PTPRK: variants seen among roughly 807,000 people sequenced by gnomAD.
The protein encoded by PTPRK is receptor-type tyrosine-protein phosphatase kappa.
Under a neutral mutation model 178.0 loss-of-function variants are expected in PTPRK, and 75 were observed. That is an observed-to-expected ratio of 0.42 (90% confidence interval 0.35 to 0.51). PTPRK has a LOEUF of 0.51. Ranked by LOEUF, PTPRK falls within the 20% of genes least tolerant of loss-of-function variation. The pLI, the probability that PTPRK is intolerant of heterozygous loss-of-function variation, is 0.02. For synonymous variants in PTPRK, 637 were observed against 620.6 expected (o/e 1.03, Z -0.39); for missense variants, 1,441 against 1,797.8 (o/e 0.80, Z 3.59).
intron 8 of PTPRK, among the ~76,000 whole-genome samples, chr6:128,088,260 C>T (rs1409652595): frequency 2.0e-5 from 3 of 151,974 alleles, no homozygotes; most frequent in Non-Finnish European, 4.4e-5. Flanking sequence ...TGCCTGTAAT[C>T]CCAGCTACTT....
At chr6:128,166,659 T>C (rs1219391883) in intron 7 of PTPRK, among the ~76,000 whole-genome samples, 3 of 151,718 alleles carry the variant, frequency 2.0e-5, no homozygotes, top group Non-Finnish European at 3.0e-5. Flanking sequence ...AACATAAGAC[T>C]CTCCTCTAGT....
chr6:128,055,701 A>T (rs866587617), intron 13 of PTPRK, among the ~76,000 whole-genome samples: 5 of 152,170 alleles, frequency 3.3e-5, no homozygotes, highest in Middle Eastern at 3.4e-3. Flanking sequence ...CTGGGCTCAA[A>T]TGATCACCCT....
intron 5 of PTPRK, among the ~76,000 whole-genome samples, chr6:128,239,300 T>A (rs537135459): frequency 6.6e-6 from 1 of 152,168 alleles, no homozygotes; most frequent in South Asian, 2.1e-4. Context: ...TCAATAGCCA[T>A]CTGTTTTAGG....
intron 15 of PTPRK, chr6:128,003,309 T>C (rs1778052655): frequency 1.6e-6 from 2 of 1,274,432 alleles, no homozygotes; most frequent in South Asian, 1.3e-5. Flanking sequence ...TTAAAATAGA[T>C]TTATGCTTTC....
chr6:128,156,810 T>C (rs574757437), intron 7 of PTPRK, among the ~76,000 whole-genome samples: 42 of 152,112 alleles, frequency 2.8e-4, no homozygotes, highest in African/African-American at 1.0e-3. Context: ...TGCTTATTTA[T>C]ACATGTGTCT....
intron 3 of PTPRK, among the ~76,000 whole-genome samples, chr6:128,283,079 G>A (rs769162348): frequency 9.2e-5 from 14 of 152,242 alleles, no homozygotes; most frequent in Non-Finnish European, 1.8e-4. Flanking sequence ...ATGCTTTCCC[G>A]CAGCAAAGTG....
intron 13 of PTPRK, among the ~76,000 whole-genome samples, chr6:128,012,837 A>C (rs1779198946): frequency 6.6e-6 from 1 of 151,440 alleles, no homozygotes; most frequent in South Asian, 2.1e-4. Flanking sequence ...TGTAAGTACA[A>C]TGTATTAAGT....
intron 6 of PTPRK, among the ~76,000 whole-genome samples, chr6:128,205,304 A>C (rs551603180): frequency 6.6e-6 from 1 of 152,070 alleles, no homozygotes; most frequent in African/African-American, 2.4e-5. Flanking sequence ...AAGAGCGGCT[A>C]ATGGATTCTG....
intron 1 of PTPRK, among the ~76,000 whole-genome samples, chr6:128,505,106 TG>T (rs1445604714): frequency 8.3e-5 from 12 of 143,834 alleles, no homozygotes; most frequent in African/African-American, 2.0e-4. Flanking sequence ...GAAATTTACT[TG>T]TTTTTTTTTT....
intron 6 of PTPRK, among the ~76,000 whole-genome samples, chr6:128,214,986 T>C (rs1808988921): frequency 6.6e-6 from 1 of 152,144 alleles, no homozygotes; most frequent in Admixed American, 6.6e-5. Context: ...GACTAAAATA[T>C]TAACTAAATA....
At chr6:128,476,637 AT>A (rs1468498251) in intron 1 of PTPRK, among the ~76,000 whole-genome samples, 2 of 152,040 alleles carry the variant, frequency 1.3e-5, no homozygotes, top group Non-Finnish European at 2.9e-5. Context: ...CCATATATAT[AT>A]TTAGTTTTAT....
chr6:128,210,317 T>C (rs1481872691), intron 6 of PTPRK, among the ~76,000 whole-genome samples: 2 of 151,374 alleles, frequency 1.3e-5, no homozygotes, highest in Non-Finnish European at 2.9e-5. Context: ...TTACTGATAG[T>C]AGGCATTACA....
chr6:128,166,284 T>C (rs756210256), intron 7 of PTPRK, among the ~76,000 whole-genome samples: 34 of 151,688 alleles, frequency 2.2e-4, no homozygotes, highest in Non-Finnish European at 3.4e-4. Flanking sequence ...AGACAAGGTA[T>C]GCTTTTCTGA....
intron 3 of PTPRK, among the ~76,000 whole-genome samples, chr6:128,251,284 C>T (rs947442024): frequency 2.0e-5 from 3 of 152,186 alleles, no homozygotes; most frequent in South Asian, 2.1e-4. Context: ...CTTTGATTTT[C>T]GAGTTTCTTG....
chr6:128,228,833 C>T (rs528944265), intron 5 of PTPRK, among the ~76,000 whole-genome samples: 2 of 152,162 alleles, frequency 1.3e-5, no homozygotes, highest in African/African-American at 4.8e-5. Flanking sequence ...ATTTGCATAT[C>T]TAGAAAAAAT....
intron 15 of PTPRK, 94 bp downstream of exon 15, chr6:128,004,990 T>C (rs558214853): frequency 9.1e-7 from 1 of 1,098,902 alleles, no homozygotes; most frequent in African/African-American, 1.6e-5. Context: ...CCCCTCACTT[T>C]CCTACTCTCT....
chr6:128,258,877 G>C (rs916134027), intron 3 of PTPRK, among the ~76,000 whole-genome samples: 13 of 152,158 alleles, frequency 8.5e-5, no homozygotes, highest in African/African-American at 3.1e-4. Context: ...GCTGAATGAG[G>C]GAGGCAGAGA....
At chr6:128,198,292 C>G (rs1345202257) in intron 6 of PTPRK, among the ~76,000 whole-genome samples, 2 of 152,190 alleles carry the variant, frequency 1.3e-5, no homozygotes, top group Non-Finnish European at 2.9e-5. Context: ...CTTTCATGAT[C>G]TGTCCCCTGC....
intron 2 of PTPRK, among the ~76,000 whole-genome samples, chr6:128,343,106 A>G (rs1171014455): frequency 6.6e-6 from 1 of 152,250 alleles, no homozygotes; most frequent in East Asian, 1.9e-4. Context: ...CATTTCTTTT[A>G]GAATCAAGAA....
Sources: gnomAD v4.1 joint callset for allele counts (sites outside exome capture counted in the v4.1 genomes callset) on GRCh38, gnomAD v4.1.1 for gene constraint, MANE v1.5 for transcripts, NCBI Gene and HGNC (gene_info 2026-07-23, HGNC 2026-07-21) for gene names.